Variants in TLN2 observed in about 807,000 individuals in gnomAD.
TLN2 encodes talin-2.
A neutral mutation model predicts 294.7 loss-of-function variants in TLN2; 118 were observed. That is an observed-to-expected ratio of 0.40 (90% confidence interval 0.34 to 0.47). The LOEUF is 0.47. Among genes scored for constraint, TLN2 ranks in the 20% least tolerant of loss-of-function variants. The pLI is 0.84. For missense variants in TLN2, 3,083 were observed against 3,282.2 expected, an observed-to-expected ratio of 0.94 and a Z score of 1.48; for synonymous variants, 1,431 against 1,304.5, an observed-to-expected ratio of 1.10 and a Z score of -2.09.
chr15:62,573,554 A>G (rs1357953344), intron 1 of TLN2, among the ~76,000 whole-genome samples: 1 of 152,110 alleles, frequency 6.6e-6, no homozygotes, highest in South Asian at 2.1e-4. Context: ...TCTTGCATGC[A>G]TGACAGGGGT....
intron 1 of TLN2, among the ~76,000 whole-genome samples, chr15:62,393,495 T>A (rs372002657): frequency 1.3e-5 from 2 of 152,200 alleles, no homozygotes; most frequent in Admixed American, 6.5e-5. Context: ...GTCTTTTCTC[T>A]CTCAAAATTA....
At chr15:62,788,816 C>A (rs1045815764) in intron 45 of TLN2, among the ~76,000 whole-genome samples, 1 of 152,212 alleles carries the variant, frequency 6.6e-6, no homozygotes, top group Non-Finnish European at 1.5e-5. Flanking sequence ...ATTCATATGG[C>A]ACTTTCATCT....
intron 2 of TLN2, among the ~76,000 whole-genome samples, chr15:62,591,026 G>C (rs535333926): frequency 6.6e-6 from 1 of 151,810 alleles, no homozygotes; most frequent in South Asian, 2.1e-4. Flanking sequence ...ATTAAAGCTG[G>C]ATAGGTGAAT....
intron 24 of TLN2, among the ~76,000 whole-genome samples, chr15:62,717,935 T>C (rs2059889779): frequency 6.6e-6 from 1 of 152,214 alleles, no homozygotes; most frequent in Admixed American, 6.5e-5. Flanking sequence ...TTCAAGAGAC[T>C]GAGCCAAAGA....
intron 9 of TLN2, among the ~76,000 whole-genome samples, chr15:62,662,158 C>G (rs891779165): frequency 1.3e-5 from 2 of 150,710 alleles, no homozygotes; most frequent in Admixed American, 6.6e-5. Context: ...CTTAATAAAC[C>G]TTGGGTAAAT....
intron 1 of TLN2, among the ~76,000 whole-genome samples, chr15:62,402,939 A>T (rs149813950): frequency 6.6e-6 from 1 of 152,152 alleles, no homozygotes; most frequent in African/African-American, 2.4e-5. Flanking sequence ...AGTACCTGTC[A>T]TCTAAAGGAA....
At chr15:62,768,067 G>A (rs141538412) in intron 41 of TLN2, among the ~76,000 whole-genome samples, 121 of 152,236 alleles carry the variant, frequency 7.9e-4, no homozygotes, top group African/African-American at 2.7e-3. Flanking sequence ...GAAGAGCCGT[G>A]GACTGGGAGT....
At chr15:62,763,995 C>A (rs2062837330) in intron 40 of TLN2, among the ~76,000 whole-genome samples, 1 of 152,088 alleles carries the variant, frequency 6.6e-6, no homozygotes, top group Non-Finnish European at 1.5e-5. Context: ...ACGGTGGGTA[C>A]CGTGTTTGTT....
chr15:62,585,772 A>G (rs567642614), intron 1 of TLN2, among the ~76,000 whole-genome samples: 1 of 152,188 alleles, frequency 6.6e-6, no homozygotes, highest in African/African-American at 2.4e-5. Flanking sequence ...ATCCATATTC[A>G]TAATAGGCAT....
intron 28 of TLN2, among the ~76,000 whole-genome samples, chr15:62,736,092 C>G (rs1019593950): frequency 6.6e-5 from 10 of 152,088 alleles, no homozygotes; most frequent in African/African-American, 2.2e-4. Context: ...GTGGGCAGAT[C>G]ATGAGGTCAG....
At chr15:62,657,535 C>A (rs2053362768) in intron 8 of TLN2, among the ~76,000 whole-genome samples, 1 of 152,162 alleles carries the variant, frequency 6.6e-6, no homozygotes, top group African/African-American at 2.4e-5. Flanking sequence ...TTTTGCTGTA[C>A]TGGACACCTC....
chr15:62,559,779 G>A (rs1015702168), intron 1 of TLN2, among the ~76,000 whole-genome samples: 1 of 152,226 alleles, frequency 6.6e-6, no homozygotes, highest in Non-Finnish European at 1.5e-5. Context: ...CACTGAAGGT[G>A]CTCTCCTGGG....
At chr15:62,536,948 A>C (rs1212306205) in intron 1 of TLN2, among the ~76,000 whole-genome samples, 1 of 152,070 alleles carries the variant, frequency 6.6e-6, no homozygotes, top group African/African-American at 2.4e-5. Flanking sequence ...CTGCTTGAGA[A>C]TGTACAATAA....
intron 1 of TLN2, among the ~76,000 whole-genome samples, chr15:62,473,983 A>G (rs971215628): frequency 3.3e-5 from 5 of 152,174 alleles, no homozygotes; most frequent in African/African-American, 9.7e-5. Context: ...AACCCCAGCT[A>G]CTTGGGAGGC....
At chr15:62,820,776 G>T (rs1023378872) in intron 54 of TLN2, among the ~76,000 whole-genome samples, 166 bp downstream of exon 54, 14 of 152,048 alleles carry the variant, frequency 9.2e-5, no homozygotes, top group Non-Finnish European at 1.8e-4. Flanking sequence ...GAGTATGGGG[G>T]TAAAAAAATG....
intron 1 of TLN2, among the ~76,000 whole-genome samples, chr15:62,573,365 C>A (rs2044082938): frequency 6.6e-6 from 1 of 152,054 alleles, no homozygotes; most frequent in Non-Finnish European, 1.5e-5. Flanking sequence ...CTGGCCCAGC[C>A]CTTGGATGCA....
At chr15:62,768,584 A>G (rs529673683) in intron 41 of TLN2, among the ~76,000 whole-genome samples, 1 of 152,310 alleles carries the variant, frequency 6.6e-6, no homozygotes, top group East Asian at 1.9e-4. Flanking sequence ...AGGGGCCACC[A>G]TTCAGTCCAC....
intron 39 of TLN2, among the ~76,000 whole-genome samples, chr15:62,762,768 G>A (rs1197020881): frequency 6.6e-6 from 1 of 152,170 alleles, no homozygotes; most frequent in Non-Finnish European, 1.5e-5. Flanking sequence ...ATATCCCCAA[G>A]GTCACCTTAA....
chr15:62,833,735 G>T, intron 55 of TLN2, 106 bp downstream of exon 55: 1 of 1,438,496 alleles, frequency 7.0e-7, no homozygotes, highest in Non-Finnish European at 9.2e-7. Flanking sequence ...AACACATGCA[G>T]TGCCTTCCCT....
Sources: gnomAD v4.1 joint callset for allele counts (sites outside exome capture counted in the v4.1 genomes callset) on GRCh38, gnomAD v4.1.1 for gene constraint, MANE v1.5 for transcripts, NCBI Gene and HGNC (gene_info 2026-07-23, HGNC 2026-07-21) for gene names.